SYNE2: variants seen among roughly 807,000 people sequenced by gnomAD.
SYNE2 encodes the protein nesprin-2.
Under a neutral mutation model 856.3 loss-of-function variants are expected in SYNE2, and 431 were observed. The ratio of observed to expected loss-of-function variants is 0.50; its 90% CI spans 0.47 to 0.55. SYNE2 has a LOEUF of 0.55. Among genes scored for constraint, SYNE2 ranks in the 20% least tolerant of loss-of-function variants. The pLI, the probability that SYNE2 is intolerant of heterozygous loss-of-function variation, is 0.00. For synonymous variants in SYNE2, 2,923 were observed against 2,872.3 expected (o/e 1.02, Z -0.56); for missense variants, 8,129 against 8,023.2 (o/e 1.01, Z -0.50).
intron 38 of SYNE2, chr14:64,023,371 C>T (rs933027354): frequency 1.9e-5 from 3 of 155,052 alleles, no homozygotes; most frequent in Admixed American, 6.4e-5. Context: ...GGTGTGTGTA[C>T]AAATGGCTTA....
chr14:64,208,153 A>C (rs1391229134), intron 100 of SYNE2: 2 of 456,008 alleles, frequency 4.4e-6, no homozygotes, highest in South Asian at 3.1e-5. Flanking sequence ...TCTCCAAGCC[A>C]CCACAGCTTT....
intron 80 of SYNE2, 71 bp from the exon 81 acceptor site, chr14:64,141,270 C>A: frequency 2.4e-6 from 3 of 1,246,982 alleles, no homozygotes; most frequent in Non-Finnish European, 2.3e-6. Context: ...TTGACTCTAG[C>A]CAGTTATTCC....
chr14:63,762,817 T>A (rs1886539365), intron 1 of SYNE2, among the ~76,000 whole-genome samples: 1 of 151,864 alleles, frequency 6.6e-6, no homozygotes, highest in African/African-American at 2.4e-5. Flanking sequence ...TACTTTCAAA[T>A]GGTTCAGAAA....
At chr14:64,213,085 C>T in intron 105 of SYNE2, 80 bp downstream of exon 105, 1 of 1,450,450 alleles carries the variant, frequency 6.9e-7, no homozygotes. Flanking sequence ...AATTAGGGGA[C>T]CTGTCTTATA....
chr14:64,189,000 G>C (rs775810030), intron 98 of SYNE2: 20 of 702,204 alleles, frequency 2.8e-5, no homozygotes, highest in African/African-American at 5.2e-5. Context: ...CATGTCAGCT[G>C]ATACCCCAAG....
intron 14 of SYNE2, 78 bp from the exon 15 acceptor site, chr14:63,980,576 G>T: frequency 1.1e-6 from 1 of 930,492 alleles, no homozygotes; most frequent in Non-Finnish European, 1.7e-6. Flanking sequence ...TCGTTGAATG[G>T]CTGTATCTCA....
At chr14:64,123,504 C>T (rs1334194912) in intron 70 of SYNE2, among the ~76,000 whole-genome samples, 2 of 152,180 alleles carry the variant, frequency 1.3e-5, no homozygotes, top group African/African-American at 4.8e-5. Flanking sequence ...TCAGTTGGCC[C>T]TTAACCTTGG....
intron 110 of SYNE2, among the ~76,000 whole-genome samples, chr14:64,220,114 C>T (rs907483489): frequency 2.6e-5 from 4 of 152,184 alleles, no homozygotes; most frequent in Admixed American, 6.5e-5. Context: ...GGAGCAAATG[C>T]AGAATAACCA....
chr14:64,002,584 A>G, intron 29 of SYNE2, 136 bp from the exon 30 acceptor site: 1 of 922,608 alleles, frequency 1.1e-6, no homozygotes, highest in Non-Finnish European at 1.6e-6. Flanking sequence ...TTCCTTAGGT[A>G]GAAACTGTCA....
intron 45 of SYNE2, among the ~76,000 whole-genome samples, chr14:64,040,087 C>T (rs964020482): frequency 6.6e-6 from 1 of 152,156 alleles, no homozygotes; most frequent in Non-Finnish European, 1.5e-5. Flanking sequence ...ACATGACAAT[C>T]AGTCTCTAAT....
intron 22 of SYNE2, 103 bp from the exon 23 acceptor site, chr14:63,994,941 G>A: frequency 1.3e-6 from 1 of 768,224 alleles, no homozygotes; most frequent in Non-Finnish European, 2.0e-6. Flanking sequence ...CTTAAGCTTT[G>A]TTTCTGTCCT....
chr14:64,216,507 T>C (rs1430502948), intron 108 of SYNE2, 120 bp downstream of exon 108: 58 of 1,166,086 alleles, frequency 5.0e-5, no homozygotes, highest in Non-Finnish European at 7.1e-5. Flanking sequence ...TTTGAGTTGG[T>C]TTTCTTATGG....
At position 64,007,239 on chromosome 14, in the gene SYNE2, A is replaced by C; in HGVS notation, c.4577+17A>C. Reference sequence around the variant, plus strand: ...CACCGAATGGTAAGGAAAAAAAAGAATCCCTCTTGAATCTGAAAAATTGTC... The same window carrying C: ...CACCGAATGGTAAGGAAAAAAAAGACTCCCTCTTGAATCTGAAAAATTGTC... On this transcript the variant is annotated intron_variant, in intron 31 of 115. Coordinates refer to ENST00000555002, the MANE Select transcript of SYNE2 (RefSeq NM_182914.3). The C allele has an allele frequency of 6.2e-7, 1 of 1,611,938 alleles. No homozygotes were observed. Among genetic ancestry groups the C allele is most frequent in the South Asian group, 1.1e-5 (1 of 91,052 alleles).
chr14:63,959,981 G>A (rs1028723182), intron 8 of SYNE2, among the ~76,000 whole-genome samples: 10 of 152,154 alleles, frequency 6.6e-5, no homozygotes, highest in African/African-American at 2.4e-4. Context: ...GCTCAAAAAT[G>A]TGAAATGCAT....
At position 64,137,828 on chromosome 14, in the gene SYNE2, C is replaced by G; in HGVS notation, c.14688C>G (p.Tyr4896Ter). 1 of 1,614,136 alleles carries G rather than the reference C, an allele frequency of 6.2e-7. No individual in the cohort carries two copies. Among genetic ancestry groups the G allele is most frequent in the Non-Finnish European group, 8.5e-7 (1 of 1,180,020 alleles). Residue 4896 changes from tyrosine (Y) to a stop codon, truncating the protein, a stop_gained, in exon 79 of 116, where the codon TAC becomes TAG. Transcript: ENST00000555002. LOFTEE classifies it high-confidence loss of function. ...RNIGGKHARL[Y>*]QTLNEGKQLV... ...TTGGTGGAAAACACGCCCGGCTTTACCAAACTCTGAACGAAGGCAAACAGT... is the reference window on the plus strand; with the variant it reads ...TTGGTGGAAAACACGCCCGGCTTTAGCAAACTCTGAACGAAGGCAAACAGT...
chr14:64,029,604 A>T (rs966351011), intron 43 of SYNE2, among the ~76,000 whole-genome samples: 1 of 152,216 alleles, frequency 6.6e-6, no homozygotes, highest in African/African-American at 2.4e-5. Context: ...ATTTGTAGCT[A>T]TTTCATTTTA....
chr14:64,064,564 T>TTC (rs2097343315), intron 50 of SYNE2, among the ~76,000 whole-genome samples: 1 of 149,330 alleles, frequency 6.7e-6, no homozygotes, highest in Non-Finnish European at 1.5e-5. Flanking sequence ...TTTTTTTTTT[T>TTC]TTTAAATAAG....
chr14:64,162,077 C>T lies in SYNE2; in HGVS notation c.16100C>T (p.Thr5367Ile). Residue 5367 changes from threonine to isoleucine, a missense_variant, in exon 88 of 116, where the codon ACT becomes ATT. Transcript: ENST00000555002. ...TATTTGCGTTGCACTGACAGGTGGA[C>T]TCAGGTGAACCAAGCCATTGCAGAC... is the stretch of plus-strand genomic sequence containing the variant. ...EKCQNTHKRW[T>I]QVNQAIADQL... 6.2e-7 allele frequency: 1 copy of T among 1,614,180 alleles called. No individual in the cohort carries two copies. The highest frequency in any genetic ancestry group is 1.3e-5 in the African/African-American group (1 of 75,046).
rs55906748 is a variant in SYNE2, at chr14:63,944,824, C to CTTTTTTTTTTTTTTTTTTTTTTTT, written c.408+2683_408+2706dup. On this transcript the variant is annotated intron_variant, in intron 6 of 115. Transcript: ENST00000555002. ...GTGAGCCACCGTGCTGGGCTTAAAG[C>CTTTTTTTTTTTTTTTTTTTTTTTT]TTTTTTTTTTTTTTTTTTTTTTTTT... 1.9e-4 allele frequency among the ~76,000 whole-genome samples: 9 copies of CTTTTTTTTTTTTTTTTTTTTTTTT among 46,948 alleles called. 1 individual carries two copies. Among genetic ancestry groups the CTTTTTTTTTTTTTTTTTTTTTTTT allele is most frequent in the Admixed American group, 6.4e-4 (2 of 3,144 alleles). The allele number at this position is 46,948 out of a possible 152,430, so 30.8% of individuals were successfully genotyped here. A position where few individuals can be genotyped will look rare whatever the true frequency, so the allele number is the denominator to read the frequency against.
Sources: gnomAD v4.1 joint callset for allele counts (sites outside exome capture counted in the v4.1 genomes callset) on GRCh38, gnomAD v4.1.1 for gene constraint, MANE v1.5 for transcripts, NCBI Gene and HGNC (gene_info 2026-07-23, HGNC 2026-07-21) for gene names.